Variants in VRK2 observed in about 807,000 individuals in gnomAD.
VRK2 encodes the protein VRK serine/threonine kinase 2, also known as serine/threonine-protein kinase VRK2.
A neutral mutation model predicts 57.6 loss-of-function variants in VRK2; 60 were observed. The ratio of observed to expected loss-of-function variants is 1.04; its 90% CI spans 0.85 to 1.29. The LOEUF (loss-of-function observed/expected upper bound fraction) is 1.29. Ranked by LOEUF, VRK2 falls within the 50% of genes most tolerant of loss-of-function variation. The probability of loss-of-function intolerance (pLI) is 0.00; values close to 1 mark genes in which losing one functional copy is unlikely to be tolerated. For missense variants in VRK2, 705 were observed against 588.1 expected (o/e 1.20, Z -2.06); for synonymous variants, 231 against 199.2 (o/e 1.16, Z -1.35).
intron 1 of VRK2, among the ~76,000 whole-genome samples, chr2:57,962,503 A>C (rs1437988823): frequency 1.4e-4 from 22 of 151,988 alleles, no homozygotes; most frequent in Non-Finnish European, 3.1e-4. Flanking sequence ...TTTGGTGTAG[A>C]GATTAATTAG....
In VRK2 at chr2:58,077,283, T is replaced by C. The variant is rs369006534; in HGVS notation, c.137-6806T>C. 1.8e-4 allele frequency among the ~76,000 whole-genome samples: 28 copies of C among 152,138 alleles called. No homozygotes were observed. In the East Asian group the frequency reaches 4.8e-3, roughly 26 times the overall value. ...ACATTGTGTAGAACCTAGAACACCC[T>C]ATCAGTTCATTGAATCATGATTTCC... On this transcript the variant is annotated intron_variant, in intron 2 of 12. Transcript: ENST00000340157.
chr2:58,137,191 TACA>T (rs1680518634), intron 10 of VRK2, among the ~76,000 whole-genome samples: 2 of 65,316 alleles, frequency 3.1e-5, no homozygotes, highest in African/African-American at 1.3e-4. Flanking sequence ...TCATATATGA[TACA>T]TATATATCTC....
At chr2:57,932,541 T>C (rs1670763739) in intron 1 of VRK2, among the ~76,000 whole-genome samples, 1 of 152,036 alleles carries the variant, frequency 6.6e-6, no homozygotes, top group African/African-American at 2.4e-5. Flanking sequence ...AGCTATAACA[T>C]CTCCTCTTTC....
chr2:58,125,075 G>T (rs1359413908), intron 8 of VRK2, among the ~76,000 whole-genome samples: 1 of 152,018 alleles, frequency 6.6e-6, no homozygotes, highest in Non-Finnish European at 1.5e-5. Flanking sequence ...TTTGATAATG[G>T]TATAACTGGA....
chr2:58,128,947 C>A (rs1306170663), intron 8 of VRK2, among the ~76,000 whole-genome samples: 1 of 152,092 alleles, frequency 6.6e-6, no homozygotes, highest in Non-Finnish European at 1.5e-5. Context: ...AATTTAAATC[C>A]TCACCTGTGC....
At position 57,956,053 on chromosome 2, in the gene VRK2, G is replaced by A. The variant is rs931542702; in HGVS notation, c.-439+48214G>A. On this transcript the variant is annotated intron_variant, in intron 1 of 15. Coordinates refer to the VRK2 transcript ENST00000417641. The stretch of plus-strand genomic sequence containing the variant: ...ATAAATACATTCAAATATGTTCAAC[G>A]TATAACAATAGATTTATAAAAGAAA... 1.2e-4 allele frequency among the ~76,000 whole-genome samples: 19 copies of A among 152,102 alleles called. 1 individual carries two copies. Among genetic ancestry groups the A allele is most frequent in the East Asian group, 5.8e-4 (3 of 5,196 alleles).
chr2:57,929,486 G>A (rs1356056834), intron 1 of VRK2, among the ~76,000 whole-genome samples: 1 of 152,116 alleles, frequency 6.6e-6, no homozygotes, highest in Non-Finnish European at 1.5e-5. Flanking sequence ...GACTGTTCTG[G>A]AAATGCTGTC....
intron 2 of VRK2, among the ~76,000 whole-genome samples, chr2:58,062,952 C>T (rs180937551): frequency 5.3e-5 from 8 of 152,174 alleles, no homozygotes; most frequent in Admixed American, 3.3e-4. Flanking sequence ...ACATTCATTG[C>T]TAGAGAGAAG....
At chr2:58,058,317 A>G (rs1016904148) in intron 2 of VRK2, 3 of 469,250 alleles carry the variant, frequency 6.4e-6, no homozygotes, top group East Asian at 7.0e-5. Context: ...TATCATGAAG[A>G]TGAAACAAAC....
chr2:58,117,822 A>AAT (rs1676759083), intron 7 of VRK2, among the ~76,000 whole-genome samples: 1 of 152,126 alleles, frequency 6.6e-6, no homozygotes, highest in Admixed American at 6.5e-5. Context: ...AGTTCTTAAG[A>AAT]ATATAGGCTA....
intron 12 of VRK2, chr2:58,147,172 G>A (rs759198477): frequency 7.7e-6 from 4 of 517,960 alleles, no homozygotes; most frequent in Non-Finnish European, 1.5e-5. Context: ...TCAGGCAGCT[G>A]GGATATTAAT....
intron 1 of VRK2, among the ~76,000 whole-genome samples, chr2:57,922,456 G>T (rs1449137619): frequency 1.2e-5 from 1 of 86,106 alleles, no homozygotes; most frequent in Non-Finnish European, 2.0e-5. Context: ...TTACCTTCTT[G>T]TGTGTGTGTG....
intron 3 of VRK2, among the ~76,000 whole-genome samples, 199 bp from the exon 4 acceptor site, chr2:58,084,682 C>T (rs1258969761): frequency 6.6e-6 from 1 of 151,684 alleles, no homozygotes; most frequent in African/African-American, 2.4e-5. Flanking sequence ...TACAATATGT[C>T]GTTTAAAAAT....
chr2:58,117,287 C>T (rs908866560), intron 7 of VRK2, among the ~76,000 whole-genome samples: 1 of 152,062 alleles, frequency 6.6e-6, no homozygotes, highest in Non-Finnish European at 1.5e-5. Context: ...CTTGACTATG[C>T]CTTTGGCTCC....
At chr2:58,023,423 C>T (rs1673824513) in intron 1 of VRK2, among the ~76,000 whole-genome samples, 1 of 152,124 alleles carries the variant, frequency 6.6e-6, no homozygotes, top group Non-Finnish European at 1.5e-5. Context: ...ATTCAATTGT[C>T]AATGGACCCT....
In VRK2 at chr2:58,146,313, C is replaced by T. The variant is rs1682116885; in HGVS notation, c.1024-3C>T. The T allele has an allele frequency of 1.2e-6, 2 of 1,605,772 alleles. No individual in the cohort carries two copies. Reference sequence around the variant, plus strand: ...TATATTATTACTTACTCTATACCAACAGGTTGATTCACAAAAGGCTGCAAC... The same window carrying T: ...TATATTATTACTTACTCTATACCAATAGGTTGATTCACAAAAGGCTGCAAC... On this transcript the variant is annotated splice_polypyrimidine_tract_variant and splice_region_variant and intron_variant, in intron 11 of 12. Transcript: ENST00000340157.
chr2:57,985,108 T>A (rs958732439), intron 1 of VRK2, among the ~76,000 whole-genome samples: 1 of 152,056 alleles, frequency 6.6e-6, no homozygotes, highest in Non-Finnish European at 1.5e-5. Context: ...GGATGGAAGA[T>A]AGATGGATAG....
At chr2:57,973,555 C>T (rs1672158242) in intron 1 of VRK2, among the ~76,000 whole-genome samples, 1 of 151,626 alleles carries the variant, frequency 6.6e-6, no homozygotes, top group South Asian at 2.1e-4. Flanking sequence ...TCTCTTGCCG[C>T]CTTACCTCTC....
chr2:58,057,840 G>T (rs572674539), intron 2 of VRK2, among the ~76,000 whole-genome samples: 228 of 152,144 alleles, frequency 1.5e-3, no homozygotes, highest in African/African-American at 5.1e-3. Flanking sequence ...GAGGTTTAAT[G>T]TACATTTTTT....
Sources: allele counts gnomAD v4.1 joint callset (sites outside exome capture counted in the v4.1 genomes callset), GRCh38; gene constraint gnomAD v4.1.1; transcripts MANE v1.5; gene names NCBI Gene and HGNC (gene_info 2026-07-23, HGNC 2026-07-21).